The following FRY variants were observed in gnomAD, a reference collection of about 807,000 sequenced individuals.
FRY encodes protein furry homolog.
In FRY, 128 loss-of-function variants were observed where a neutral mutation model predicts 348.4. The ratio of observed to expected loss-of-function variants is 0.37; its 90% confidence interval spans 0.32 to 0.43. FRY has a LOEUF of 0.43. Among genes scored for constraint, FRY ranks in the 20% least tolerant of loss-of-function variants. The pLI, the probability that FRY is intolerant of heterozygous loss-of-function variation, is 1.00. For missense variants in FRY, 2,736 were observed against 3,695.2 expected, an observed-to-expected ratio of 0.74 and a Z score of 6.73; for synonymous variants, 1,370 against 1,374.7, an observed-to-expected ratio of 1.00 and a Z score of 0.08.
At chr13:32,103,911 C>T (rs979582132) in intron 3 of FRY, among the ~76,000 whole-genome samples, 2 of 151,884 alleles carry the variant, frequency 1.3e-5, no homozygotes, top group African/African-American at 4.8e-5. Context: ...GCAATTGAGC[C>T]GAGTTCACGC....
chr13:32,267,663 C>T (rs1887988172), intron 55 of FRY, among the ~76,000 whole-genome samples: 1 of 152,132 alleles, frequency 6.6e-6, no homozygotes, highest in Non-Finnish European at 1.5e-5. Context: ...GAATCTTCTG[C>T]CAGGCCTATC....
chr13:32,042,735 C>T (rs1044086032), intron 1 of FRY, among the ~76,000 whole-genome samples: 1 of 152,232 alleles, frequency 6.6e-6, no homozygotes, highest in African/African-American at 2.4e-5. Flanking sequence ...AGCAAACTTC[C>T]TCTTGCTTCT....
intron 17 of FRY, among the ~76,000 whole-genome samples, chr13:32,162,339 A>G (rs1881495191): frequency 6.6e-6 from 1 of 152,128 alleles, no homozygotes; most frequent in South Asian, 2.1e-4. Context: ...ACCTTCTGAG[A>G]GCACCTTTCC....
In FRY at chr13:32,165,797, A is replaced by G. The variant is rs145618562; in HGVS notation, c.1892+4546A>G. Among the ~76,000 whole-genome samples, 577 of 152,358 alleles carry G rather than the reference A, an allele frequency of 3.8e-3. 3 individuals are homozygous for G. Among genetic ancestry groups the G allele is most frequent in the African/African-American group, 0.013 (554 of 41,582 alleles). On this transcript the variant is annotated intron_variant, in intron 17 of 60. Coordinates refer to ENST00000542859, the MANE Select transcript of FRY (RefSeq NM_023037.3). ...CTGATTCCATCAGAATCTGAAGCTT[A>G]CCTTACACAAGTGTTTTCCATTAAA...
At chr13:32,047,807 A>C (rs1593558203) in intron 1 of FRY, among the ~76,000 whole-genome samples, 1 of 152,308 alleles carries the variant, frequency 6.6e-6, no homozygotes, top group East Asian at 1.9e-4. Flanking sequence ...TCCTGACCTC[A>C]GGTGATCTGC....
chr13:32,258,942 C>A (rs532459842), intron 51 of FRY, among the ~76,000 whole-genome samples: 1 of 152,168 alleles, frequency 6.6e-6, no homozygotes, highest in South Asian at 2.1e-4. Flanking sequence ...AACAATAATT[C>A]TTGTTTGACA....
chr13:32,134,829 G>A (rs1879598186), intron 8 of FRY, 75 bp from the exon 9 acceptor site: 6 of 911,792 alleles, frequency 6.6e-6, no homozygotes, highest in Admixed American at 1.7e-5. Flanking sequence ...GCTACTTACT[G>A]AAACTTGTTT....
At chr13:32,165,574 C>T (rs1446212419) in intron 17 of FRY, among the ~76,000 whole-genome samples, 8 of 152,216 alleles carry the variant, frequency 5.3e-5, no homozygotes, top group African/African-American at 1.9e-4. Flanking sequence ...CTGGGCTTCA[C>T]TTTCAGTGTT....
At chr13:32,137,880 A>T (rs1021775885) in intron 11 of FRY, among the ~76,000 whole-genome samples, 3 of 152,090 alleles carry the variant, frequency 2.0e-5, no homozygotes, top group Non-Finnish European at 4.4e-5. Context: ...AAGATTAATT[A>T]TATTATTTTG....
intron 46 of FRY, among the ~76,000 whole-genome samples, chr13:32,241,110 C>A (rs1035790351): frequency 6.6e-6 from 1 of 152,136 alleles, no homozygotes; most frequent in African/African-American, 2.4e-5. Flanking sequence ...CATACCTGTC[C>A]CTGCAAGAGT....
chr13:32,148,135 T>C (rs997558952), intron 13 of FRY, among the ~76,000 whole-genome samples, 188 bp downstream of exon 13: 1 of 152,230 alleles, frequency 6.6e-6, no homozygotes, highest in Non-Finnish European at 1.5e-5. Flanking sequence ...GAGTTGAGTA[T>C]GTCAAGTGTT....
At chr13:32,140,321 C>T (rs1250286671) in intron 11 of FRY, among the ~76,000 whole-genome samples, 3 of 152,138 alleles carry the variant, frequency 2.0e-5, no homozygotes, top group African/African-American at 7.2e-5. Context: ...AGCAATACTG[C>T]ATCTGAAGGT....
intron 8 of FRY, among the ~76,000 whole-genome samples, chr13:32,134,476 T>G (rs1879578134): frequency 6.6e-6 from 1 of 152,238 alleles, no homozygotes; most frequent in South Asian, 2.1e-4. Context: ...ATAAGTTCGA[T>G]GTCTTCTGCC....
At chr13:32,225,096 C>A in intron 38 of FRY, 60 bp downstream of exon 38, 2 of 945,154 alleles carry the variant, frequency 2.1e-6, no homozygotes, top group Non-Finnish European at 1.8e-6. Flanking sequence ...AGAAGTAATC[C>A]GTAGAGATTT....
intron 47 of FRY, among the ~76,000 whole-genome samples, chr13:32,245,325 G>A (rs187897019): frequency 2.0e-5 from 3 of 151,986 alleles, no homozygotes; most frequent in East Asian, 3.9e-4. Flanking sequence ...AAATATCAAG[G>A]CCAGGTGCAG....
intron 4 of FRY, among the ~76,000 whole-genome samples, chr13:32,118,711 C>T (rs952480732): frequency 2.0e-5 from 3 of 152,246 alleles, no homozygotes; most frequent in Middle Eastern, 3.4e-3. Context: ...AATTTCAGAA[C>T]ATTTTTATCA....
chr13:32,116,978 C>G (rs1171280942), intron 3 of FRY, among the ~76,000 whole-genome samples: 1 of 152,094 alleles, frequency 6.6e-6, no homozygotes, highest in Non-Finnish European at 1.5e-5. Flanking sequence ...ATTTATACAA[C>G]AAACATTTTT....
chr13:32,232,860 C>T (rs1408246403), intron 41 of FRY, among the ~76,000 whole-genome samples: 1 of 152,104 alleles, frequency 6.6e-6, no homozygotes, highest in Non-Finnish European at 1.5e-5. Context: ...AGTCTGAGGT[C>T]CTACTAGTAC....
chr13:32,212,835 C>G, intron 35 of FRY, among the ~76,000 whole-genome samples: 1 of 152,118 alleles, frequency 6.6e-6, no homozygotes, highest in East Asian at 1.9e-4. Context: ...AAAACACTAT[C>G]TTTTCCTGCT....
Sources: allele counts gnomAD v4.1 joint callset (sites outside exome capture counted in the v4.1 genomes callset), GRCh38; gene constraint gnomAD v4.1.1; transcripts MANE v1.5; gene names NCBI Gene and HGNC (gene_info 2026-07-23, HGNC 2026-07-21).